VPS36: variants seen among roughly 807,000 people sequenced by gnomAD.
VPS36 encodes the protein vacuolar protein-sorting-associated protein 36.
In VPS36, 31 loss-of-function variants were observed where a neutral mutation model predicts 63.5. That is an observed-to-expected ratio of 0.49 (90% CI 0.37 to 0.66). The LOEUF (loss-of-function observed/expected upper bound fraction) is 0.66, where lower values mean the gene tolerates loss of function less well. Among genes scored for constraint, VPS36 ranks in the 30% least tolerant of loss-of-function variants. The probability of loss-of-function intolerance (pLI) is 0.00; values close to 1 mark genes in which losing one functional copy is unlikely to be tolerated. For synonymous variants in VPS36, 138 were observed against 157.2 expected, an observed-to-expected ratio of 0.88 and a Z score of 0.91; for missense variants, 338 against 463.7, an observed-to-expected ratio of 0.73 and a Z score of 2.49.
At chr13:52,416,114 A>G (rs1368045350) in intron 12 of VPS36, 21 bp from the exon 13 acceptor site, 17 of 1,605,556 alleles carry the variant, frequency 1.1e-5, no homozygotes, top group East Asian at 2.2e-5. Context: ...CACACAGCAG[A>G]AAAAAAATGT....
At chr13:52,442,813 A>ATG (rs1396138389) in intron 1 of VPS36, among the ~76,000 whole-genome samples, 1 of 152,220 alleles carries the variant, frequency 6.6e-6, no homozygotes, top group African/African-American at 2.4e-5. Flanking sequence ...TATGCAGTAT[A>ATG]TGTGTGTGTC....
chr13:52,425,841 C>T, intron 9 of VPS36, 91 bp downstream of exon 9: 2 of 1,328,524 alleles, frequency 1.5e-6, no homozygotes. Context: ...ATAACCATAT[C>T]ATGAAAATAG....
chr13:52,446,185 G>C (rs888698023), intron 1 of VPS36, among the ~76,000 whole-genome samples: 1 of 150,980 alleles, frequency 6.6e-6, no homozygotes, highest in Admixed American at 6.6e-5. Flanking sequence ...AGAAACGCTT[G>C]AACCCGGGAA....
intron 6 of VPS36, 44 bp downstream of exon 6, chr13:52,433,618 C>T: frequency 2.1e-6 from 3 of 1,451,348 alleles, no homozygotes; most frequent in Non-Finnish European, 2.9e-6. Flanking sequence ...AAAGAATAGA[C>T]ACAAATGGCT....
At chr13:52,444,828 T>A (rs1958321635) in intron 1 of VPS36, among the ~76,000 whole-genome samples, 1 of 152,072 alleles carries the variant, frequency 6.6e-6, no homozygotes, top group Non-Finnish European at 1.5e-5. Flanking sequence ...TTGTTACATG[T>A]CTAATAAATA....
chr13:52,425,252 C>CAAAAAA (rs748988364), intron 9 of VPS36, among the ~76,000 whole-genome samples: 6 of 67,362 alleles, frequency 8.9e-5, no homozygotes, highest in Non-Finnish European at 1.2e-4. Flanking sequence ...GACTCCGCCT[C>CAAAAAA]AAAAAAAAAA....
At chr13:52,420,499 A>G (rs1344829358) in intron 10 of VPS36, among the ~76,000 whole-genome samples, 1 of 151,038 alleles carries the variant, frequency 6.6e-6, no homozygotes, top group Non-Finnish European at 1.5e-5. Flanking sequence ...CGCCCGGCTA[A>G]TTGTTGTATT....
intron 10 of VPS36, among the ~76,000 whole-genome samples, chr13:52,423,035 G>A (rs1211240074): frequency 6.6e-6 from 1 of 152,122 alleles, no homozygotes; most frequent in East Asian, 1.9e-4. Flanking sequence ...CCCTTTGACT[G>A]CCACCATCCA....
At position 52,417,112 on chromosome 13, in the gene VPS36, A is replaced by G; in HGVS notation, c.935T>C (p.Val312Ala). Residue 312 changes from valine (V) to alanine (A), a missense_variant, in exon 12 of 14, where the codon GTA (valine) becomes GCA (alanine). Coordinates refer to ENST00000378060, the MANE Select transcript of VPS36 (RefSeq NM_016075.4). ...RLRVFDSGVM[V>A]IELQSHKEEE... ...TTCCTTGTGAGACTGAAGCTCAATT[A>G]CCATGACGCCACTGTCAAACACACG... is the stretch of plus-strand genomic sequence containing the variant. 1 of 1,614,076 alleles carries G rather than the reference A, an allele frequency of 6.2e-7. No individual in the cohort carries two copies. The highest frequency in any genetic ancestry group is 8.5e-7 in the Non-Finnish European group (1 of 1,180,012).
chr13:52,436,277 T>C lies in VPS36; in HGVS notation c.351+13A>G. On this transcript the variant is annotated intron_variant, in intron 4 of 13. Transcript: ENST00000378060. ...CACCTTTCTAGTACGATTTTATTCATGTAGAAACTTACCTCAATCTGGCCA... is the reference window on the plus strand; with the variant it reads ...CACCTTTCTAGTACGATTTTATTCACGTAGAAACTTACCTCAATCTGGCCA... The C allele has an allele frequency of 1.3e-6, 2 of 1,545,092 alleles. No individual in the cohort carries two copies. The highest frequency in any genetic ancestry group is 2.3e-5 in the East Asian group (1 of 44,380).
Position 52,414,779 on chromosome 13 carries a change from A to G in VPS36, c.*1051T>C, listed in dbSNP as rs1957978663. The G allele has an allele frequency of 6.6e-6, 1 of 152,268 alleles. No individual in the cohort carries two copies. Among genetic ancestry groups the G allele is most frequent in the Non-Finnish European group, 1.5e-5 (1 of 68,056 alleles). The allele number at this position is 152,268 out of a possible 1,614,324, so 9.4% of individuals were successfully genotyped here. ...TCCCTGAGTTTGAGATAATGCGAAC[A>G]TACTGGAGGCTGTAGCAATAACATG... is the stretch of plus-strand genomic sequence containing the variant. On this transcript the variant is annotated 3_prime_UTR_variant, in exon 14 of 14. Coordinates refer to ENST00000378060, the MANE Select transcript of VPS36 (RefSeq NM_016075.4).
At chr13:52,445,659 C>T (rs1443509818) in intron 1 of VPS36, among the ~76,000 whole-genome samples, 4 of 123,330 alleles carry the variant, frequency 3.2e-5, no homozygotes, top group Admixed American at 8.3e-5. Flanking sequence ...AAAAAAAGGC[C>T]GGGCGCAGTG....
chr13:52,425,969 G>C lies in VPS36; in HGVS notation c.737C>G (p.Ala246Gly), dbSNP rs780307997. ...CTGCAATATTCCAGCCAGTTGTTTG[G>C]CCAGCTGCATGTGGTACTGTGTGCC... ...GSGTQYHMQLAKQLAGILQVP... is the reference protein window; with the variant it reads ...GSGTQYHMQLGKQLAGILQVP... The change falls in exon 9 of 14, where the codon GCC (alanine) becomes GGC (glycine). Residue 246 changes from alanine to glycine, a missense_variant. Transcript: ENST00000378060. 1.2e-6 allele frequency: 2 copies of C among 1,613,836 alleles called. No individual in the cohort carries two copies. The highest frequency in any genetic ancestry group is 2.7e-5 in the African/African-American group (2 of 75,014).
At position 52,445,638 on chromosome 13, in the gene VPS36, C is replaced by CAAAAAAAAAAAAAAAA. The variant is rs1260034533; in HGVS notation, c.97-3209_97-3194dup. On this transcript the variant is annotated intron_variant, in intron 1 of 13. Transcript: ENST00000378060. ...TGGGTGACAGAGGGAGACTCCGTCT[C>CAAAAAAAAAAAAAAAA]AAAAAAAAAAAAAAAAAGGCCGGGC... Among the ~76,000 whole-genome samples, 20 of 36,780 alleles carry CAAAAAAAAAAAAAAAA rather than the reference C, an allele frequency of 5.4e-4. 1 individual carries two copies. Among genetic ancestry groups the CAAAAAAAAAAAAAAAA allele is most frequent in the African/African-American group, 2.1e-3 (19 of 8,844 alleles). The allele number at this position is 36,780 out of a possible 152,430, so 24.1% of individuals were successfully genotyped here. A position where few individuals can be genotyped will look rare whatever the true frequency, so the allele number is the denominator to read the frequency against.
chr13:52,442,533 T>G, intron 1 of VPS36, 88 bp from the exon 2 acceptor site: 2 of 1,108,146 alleles, frequency 1.8e-6, no homozygotes, highest in Non-Finnish European at 2.6e-6. Flanking sequence ...CCACACTAAA[T>G]TAATCATATA....
rs1260034533 is a variant in VPS36 at position 52,445,638 on chromosome 13, CA to C, written c.97-3194del. On this transcript the variant is annotated intron_variant, in intron 1 of 13. Coordinates refer to ENST00000378060, the MANE Select transcript of VPS36 (RefSeq NM_016075.4). ...TGGGTGACAGAGGGAGACTCCGTCTCAAAAAAAAAAAAAAAAAGGCCGGGCG... is the reference window on the plus strand; with the variant it reads ...TGGGTGACAGAGGGAGACTCCGTCTCAAAAAAAAAAAAAAAAGGCCGGGCG... Among the ~76,000 whole-genome samples the C allele has an allele frequency of 7.3e-3, 267 of 36,768 alleles. 4 individuals are homozygous for C. Among genetic ancestry groups the C allele is most frequent in the African/African-American group, 0.023 (201 of 8,848 alleles). 24.1% of individuals were successfully genotyped at this position (36,768 alleles called of 152,430 possible).
At position 52,417,053 on chromosome 13, in the gene VPS36, A is replaced by G; in HGVS notation, c.990+4T>C. 1 of 1,613,414 alleles carries G rather than the reference A, an allele frequency of 6.2e-7. No homozygotes were observed. Among genetic ancestry groups the G allele is most frequent in the East Asian group, 2.2e-5 (1 of 44,878 alleles). ...AAAGACTGGAGAAAATCGGCTTCACATACTGTCTCCAGGGCCGAGGCCACC... is the reference window on the plus strand; with the variant it reads ...AAAGACTGGAGAAAATCGGCTTCACGTACTGTCTCCAGGGCCGAGGCCACC... On this transcript the variant is annotated splice_donor_region_variant and intron_variant, in intron 12 of 13. Coordinates refer to ENST00000378060, the MANE Select transcript of VPS36 (RefSeq NM_016075.4).
chr13:52,437,593 C>T (rs1018764106), intron 3 of VPS36, among the ~76,000 whole-genome samples: 1 of 152,108 alleles, frequency 6.6e-6, no homozygotes, highest in Non-Finnish European at 1.5e-5. Context: ...TGTGTACATT[C>T]TTTTATCAAG....
chr13:52,449,347 A>T (rs117843100), intron 1 of VPS36, among the ~76,000 whole-genome samples: 31 of 152,302 alleles, frequency 2.0e-4, no homozygotes, highest in East Asian at 1.2e-3. Context: ...CAAAATAAAT[A>T]AATTAATTAA....
Sources: gnomAD v4.1 joint callset for allele counts (sites outside exome capture counted in the v4.1 genomes callset) on GRCh38, gnomAD v4.1.1 for gene constraint, MANE v1.5 for transcripts, NCBI Gene and HGNC (gene_info 2026-07-23, HGNC 2026-07-21) for gene names.